The following MCF2L variants were observed in gnomAD, a reference collection of about 807,000 sequenced individuals.
MCF2L encodes the protein MCF.2 cell line derived transforming sequence like.
Under a neutral mutation model 153.4 loss-of-function variants are expected in MCF2L, and 97 were observed. That is an observed-to-expected ratio of 0.63 (90% confidence interval 0.54 to 0.75). The LOEUF is 0.75. MCF2L is among the 30% of genes least tolerant of loss of function. The pLI, the probability that MCF2L is intolerant of heterozygous loss-of-function variation, is 0.00. For missense variants in MCF2L, 1,347 were observed against 1,495.2 expected, an observed-to-expected ratio of 0.90 and a Z score of 1.64; for synonymous variants, 659 against 632.2, an observed-to-expected ratio of 1.04 and a Z score of -0.64.
intron 2 of MCF2L, among the ~76,000 whole-genome samples, chr13:112,926,278 CAGCGG>C (rs2081402083): frequency 9.6e-6 from 1 of 104,100 alleles, no homozygotes; most frequent in East Asian, 2.8e-4. Flanking sequence ...TCTATATACA[CAGCGG>C]AGTGCTGCAT....
chr13:112,982,650 AG>A (rs2082479118), intron 1 of MCF2L, among the ~76,000 whole-genome samples: 1 of 151,584 alleles, frequency 6.6e-6, no homozygotes, highest in Admixed American at 6.6e-5. Context: ...GTGCTGTGGG[AG>A]GGGGGAGACG....
intron 4 of MCF2L, among the ~76,000 whole-genome samples, chr13:113,058,843 G>A (rs993556428): frequency 2.0e-5 from 3 of 149,794 alleles, no homozygotes; most frequent in Non-Finnish European, 4.4e-5. Flanking sequence ...GAGTGTTTGG[G>A]TGCTGAGTGT....
At chr13:112,947,427 C>T (rs929053950) in intron 2 of MCF2L, among the ~76,000 whole-genome samples, 3 of 152,152 alleles carry the variant, frequency 2.0e-5, no homozygotes, top group Non-Finnish European at 1.5e-5. Context: ...ACTCAAGGAA[C>T]GATTCATCTG....
At chr13:112,989,254 G>A (rs111314442) in intron 1 of MCF2L, among the ~76,000 whole-genome samples, 3 of 142,720 alleles carry the variant, frequency 2.1e-5, no homozygotes, top group Non-Finnish European at 4.5e-5. Flanking sequence ...GAGCTACCAC[G>A]CCCGAGTCCT....
upstream of MCF2L, chr13:112,968,706 C>T (rs577970708): frequency 6.4e-6 from 9 of 1,409,914 alleles, no homozygotes; most frequent in Middle Eastern, 1.9e-4. Context: ...TGCCACGGGG[C>T]GGCCGGAGGT....
At chr13:113,088,455 A>G (rs1187743319) in intron 24 of MCF2L, 50 bp downstream of exon 24, 1 of 1,609,116 alleles carries the variant, frequency 6.2e-7, no homozygotes, top group Non-Finnish European at 8.5e-7. Flanking sequence ...CTCCAGGTGC[A>G]TTTTTACCTA....
intron 2 of MCF2L, among the ~76,000 whole-genome samples, chr13:112,920,930 G>C (rs1490528647): frequency 1.3e-5 from 2 of 152,068 alleles, no homozygotes; most frequent in Admixed American, 1.3e-4. Context: ...CACTTTAGGA[G>C]GCCGAGGCAG....
At chr13:113,071,780 G>A (rs1442880739) in intron 9 of MCF2L, among the ~76,000 whole-genome samples, 1 of 152,182 alleles carries the variant, frequency 6.6e-6, no homozygotes, top group Non-Finnish European at 1.5e-5. Flanking sequence ...ACTATATAAT[G>A]TCTTGAAATC....
At chr13:113,090,875 A>G in intron 26 of MCF2L, 1 of 1,161,318 alleles carries the variant, frequency 8.6e-7, no homozygotes, top group Middle Eastern at 4.0e-4. Flanking sequence ...GTCCCTAGAG[A>G]CGGGCCCCGA....
In MCF2L at chr13:113,027,076, T is replaced by A. The variant is rs965398576; in HGVS notation, c.278+2318T>A. 4.7e-5 allele frequency: 36 copies of A among 760,782 alleles called. No individual in the cohort carries two copies. The highest frequency in any genetic ancestry group is 3.5e-4 in the Admixed American group (20 of 57,382). The allele number at this position is 760,782 out of a possible 1,614,324, so 47.1% of individuals were successfully genotyped here. A position where few individuals can be genotyped will look rare whatever the true frequency, so the allele number is the denominator to read the frequency against. ...AACAGAAATATCCTTAAATATGGCA[T>A]CTGTATCCCGCACATTACATAAGGT... is the stretch of plus-strand genomic sequence containing the variant. On this transcript the variant is annotated intron_variant, in intron 3 of 29. Transcript: ENST00000535094. The surrounding 1 kb of genome is among the most constrained non-coding windows in gnomAD (Gnocchi z 4.8).
In MCF2L at chr13:113,075,203, G is replaced by C; in HGVS notation, c.1308+14G>C. ...CGCCTGGAGACGGTAGGCCGAGCCGGACCCCACCCCACTCCCCCCCAGCTG... is the reference window on the plus strand; with the variant it reads ...CGCCTGGAGACGGTAGGCCGAGCCGCACCCCACCCCACTCCCCCCCAGCTG... On this transcript the variant is annotated intron_variant, in intron 11 of 29. Transcript: ENST00000535094. 1 of 1,576,308 alleles carries C rather than the reference G, an allele frequency of 6.3e-7. No homozygotes were observed. Among genetic ancestry groups the C allele is most frequent in the East Asian group, 2.3e-5 (1 of 43,862 alleles).
intron 2 of MCF2L, chr13:112,910,616 C>A (rs1461566586): frequency 1.3e-5 from 2 of 152,236 alleles, no homozygotes; most frequent in Non-Finnish European, 2.9e-5. Context: ...TGTTTTTAAT[C>A]ATACATGTGC....
In MCF2L at chr13:112,991,780, T is replaced by C. The variant is rs147877478; in HGVS notation, c.79+22322T>C. Among the ~76,000 whole-genome samples, 72 of 152,116 alleles carry C rather than the reference T, an allele frequency of 4.7e-4. No homozygotes were observed. The East Asian group carries it at 0.013, about 28-fold the overall frequency. On this transcript the variant is annotated intron_variant, in intron 1 of 29. Coordinates refer to ENST00000535094, the MANE Select transcript of MCF2L (RefSeq NM_001112732.3). ...AGAGCCAGGAGCCCTTCCCTGCGGG[T>C]TAAGTTACCGGAAGTCATGTCTGGC...
At chr13:113,095,117 C>T (rs1272156034) in intron 27 of MCF2L, 2 of 1,344,334 alleles carry the variant, frequency 1.5e-6, no homozygotes, top group Non-Finnish European at 2.0e-6. Flanking sequence ...GAAAATGGAA[C>T]TGCTAAGCAT....
In MCF2L at chr13:112,961,332, G is replaced by A. The variant is rs897720200; in HGVS notation, c.170-53431G>A. Among the ~76,000 whole-genome samples the A allele has an allele frequency of 1.4e-4, 21 of 152,262 alleles. 1 individual carries two copies. The highest frequency in any genetic ancestry group is 1.4e-3 in the Admixed American group (21 of 15,294). Reference sequence around the variant, plus strand: ...CGAGTGATCTTTGCAGGTATTCACTGCTTTGTACTTGGGCAAGCATTTGCC... The same window carrying A: ...CGAGTGATCTTTGCAGGTATTCACTACTTTGTACTTGGGCAAGCATTTGCC... On this transcript the variant is annotated intron_variant, in intron 2 of 29. Transcript: ENST00000375608.
At chr13:113,021,894 G>A (rs1198863368) in intron 2 of MCF2L, among the ~76,000 whole-genome samples, 2 of 152,210 alleles carry the variant, frequency 1.3e-5, no homozygotes, top group African/African-American at 4.8e-5. Flanking sequence ...GATACCCAGG[G>A]TAGCAGCAGC....
At position 113,046,956 on chromosome 13, in the gene MCF2L, C is replaced by T; in HGVS notation, c.369+1595C>T. ...GATAAAGAAAGAGGCGTAATTGGCT[C>T]ACAGTTCTGCAGGCTGCACAGGCTT... On this transcript the variant is annotated intron_variant, in intron 4 of 29. Coordinates refer to ENST00000535094, the MANE Select transcript of MCF2L (RefSeq NM_001112732.3). The surrounding 1 kb of genome is among the most constrained non-coding windows in gnomAD (Gnocchi z 4.4). 1 of 217,450 alleles carries T rather than the reference C, an allele frequency of 4.6e-6. No homozygotes were observed. Among genetic ancestry groups the T allele is most frequent in the Non-Finnish European group, 9.2e-6 (1 of 108,938 alleles). The allele number at this position is 217,450 out of a possible 1,614,324, so 13.5% of individuals were successfully genotyped here.
intron 2 of MCF2L, among the ~76,000 whole-genome samples, chr13:112,920,657 G>A (rs1345426809): frequency 6.6e-6 from 1 of 150,862 alleles, no homozygotes; most frequent in African/African-American, 2.4e-5. Context: ...CAGGTTGTGG[G>A]TGGGTGCCAG....
At chr13:113,048,446 T>TC (rs2141573327) in intron 4 of MCF2L, among the ~76,000 whole-genome samples, 1 of 145,436 alleles carries the variant, frequency 6.9e-6, no homozygotes, top group East Asian at 2.0e-4. Context: ...TCTTTTTTTT[T>TC]TTTTTTTTTT....
Sources: allele counts gnomAD v4.1 joint callset (sites outside exome capture counted in the v4.1 genomes callset), GRCh38; gene constraint gnomAD v4.1.1; non-coding constraint Gnocchi (gnomAD v3.1); transcripts MANE v1.5; gene names NCBI Gene and HGNC (gene_info 2026-07-23, HGNC 2026-07-21).